Variants in ADAR observed in about 807,000 individuals in gnomAD.
ADAR encodes adenosine deaminase RNA specific.
In ADAR, 41 loss-of-function variants were observed where a neutral mutation model predicts 113.2. That is an observed-to-expected ratio of 0.36 (90% CI 0.28 to 0.47). The LOEUF is 0.47. ADAR is among the 20% of genes least tolerant of loss of function. ADAR has a pLI of 1.00. For synonymous variants in ADAR, 605 were observed against 572.6 expected (o/e 1.06, Z -0.81); for missense variants, 1,242 against 1,540.9 (o/e 0.81, Z 3.25).
intron 1 of ADAR, chr1:154,627,780 C>G: frequency 2.0e-6 from 1 of 504,122 alleles, no homozygotes; most frequent in Non-Finnish European, 3.9e-6. Context: ...ACATCAACGC[C>G]AGAGACTGGA....
At chr1:154,586,803 G>C (rs929780881) in intron 11 of ADAR, among the ~76,000 whole-genome samples, 2 of 152,190 alleles carry the variant, frequency 1.3e-5, no homozygotes, top group African/African-American at 4.8e-5. Context: ...CCCCAAGGCA[G>C]CCAGCGGATT....
At position 154,623,289 on chromosome 1, in the gene ADAR, C is replaced by T. The variant is rs531269108; in HGVS notation, c.-871+4566G>A. On this transcript the variant is annotated intron_variant, in intron 1 of 14. Coordinates refer to the ADAR transcript ENST00000368471. ...AGATGAAGCAATGGGGAAGGGCAAC[C>T]CAAACAGCAGATGCAAAGGTACAGA... is the stretch of plus-strand genomic sequence containing the variant. Among the ~76,000 whole-genome samples, 11 of 152,152 alleles carry T rather than the reference C, an allele frequency of 7.2e-5. No homozygotes were observed. The East Asian group carries it at 1.9e-3, about 27-fold the overall frequency.
chr1:154,584,655 G>A lies in ADAR; in HGVS notation c.*151C>T. 1 of 747,418 alleles carries A rather than the reference G, an allele frequency of 1.3e-6. No homozygotes were observed. 46.3% of individuals were successfully genotyped at this position (747,418 alleles called of 1,614,324 possible). On this transcript the variant is annotated 3_prime_UTR_variant, in exon 15 of 15. Coordinates refer to ENST00000368474, the MANE Select transcript of ADAR (RefSeq NM_001111.5). Reference sequence around the variant, plus strand: ...ATCCCAAAGAAAGCAGGATAAATGGGAACCCAAAGTTTTCAGTATCACCAA... The same window carrying A: ...ATCCCAAAGAAAGCAGGATAAATGGAAACCCAAAGTTTTCAGTATCACCAA...
At position 154,588,621 on chromosome 1, in the gene ADAR, T is replaced by C. The variant is rs774830798; in HGVS notation, c.2815A>G (p.Ile939Val). 6.2e-6 allele frequency: 10 copies of C among 1,614,128 alleles called. No individual in the cohort carries two copies. The highest frequency in any genetic ancestry group is 1.1e-5 in the South Asian group (1 of 91,090). ...KYNSQTAKDSIFEPAKGGEKL... is the reference protein window; with the variant it reads ...KYNSQTAKDSVFEPAKGGEKL... ...TCTCCTCCCTTAGCAGGTTCAAATA[T>C]ACTATCCTTCGCAGTCTGGGAGTTG... The change falls in exon 10 of 15, where the codon ATA (isoleucine) becomes GTA (valine). Residue 939 changes from isoleucine (I) to valine (V), a missense_variant. Transcript: ENST00000368474.
intron 1 of ADAR, among the ~76,000 whole-genome samples, chr1:154,623,421 G>A (rs1490215747): frequency 6.6e-6 from 1 of 152,176 alleles, no homozygotes; most frequent in Non-Finnish European, 1.5e-5. Context: ...GGACCCCAAA[G>A]AAGTGAGATA....
chr1:154,591,453 C>T (rs572132317), intron 6 of ADAR, among the ~76,000 whole-genome samples: 6 of 152,338 alleles, frequency 3.9e-5, no homozygotes, highest in African/African-American at 1.4e-4. Flanking sequence ...TTTTTGACTC[C>T]TGGCAGGCTT....
At position 154,602,090 on chromosome 1, in the gene ADAR, C is replaced by T. The variant is rs1309737861; in HGVS notation, c.552G>A (p.Lys184=). ...GGGGTGTTCCTGCCTCTTTCTGTAG[C>T]TTGCCCTTCTTTGCCAGGGAGTATA... ...RVLYSLAKKG[K]LQKEAGTPPL... The change falls in exon 2 of 15, where the codon AAG becomes AAA. Residue 184 remains lysine, a synonymous_variant. Transcript: ENST00000368474. 1 of 1,614,212 alleles carries T rather than the reference C, an allele frequency of 6.2e-7. No homozygotes were observed.
intron 7 of ADAR, 49 bp downstream of exon 7, chr1:154,590,135 A>AGGGGGG: frequency 5.8e-6 from 7 of 1,204,988 alleles, no homozygotes; most frequent in Non-Finnish European, 8.4e-6. Flanking sequence ...CTTAGGAGTT[A>AGGGGGG]GGAGGACCCC....
At position 154,608,158 on chromosome 1, in the gene ADAR, G is replaced by C. The variant is rs1157360166; in HGVS notation, c.-152C>G. The C allele has an allele frequency of 3.2e-6, 3 of 938,336 alleles. No individual in the cohort carries two copies. The highest frequency in any genetic ancestry group is 3.6e-5 in the African/African-American group (2 of 56,228). The allele number at this position is 938,336 out of a possible 1,614,324, so 58.1% of individuals were successfully genotyped here. On this transcript the variant is annotated 5_prime_UTR_variant, in exon 1 of 15. Transcript: ENST00000368474. Reference sequence around the variant, plus strand: ...TCGGCACGGGAAACTCCGCGGGTCTGCGCGCCGGGCCCAAGATGGCTCCGG... The same window carrying C: ...TCGGCACGGGAAACTCCGCGGGTCTCCGCGCCGGGCCCAAGATGGCTCCGG...
At chr1:154,621,870 G>C (rs188498307) in intron 1 of ADAR, among the ~76,000 whole-genome samples, 68 of 152,280 alleles carry the variant, frequency 4.5e-4, no homozygotes, top group Non-Finnish European at 1.0e-4. Flanking sequence ...AGTAAGAGCG[G>C]GGTTAAATAA....
Position 154,601,533 on chromosome 1 carries a change from T to C in ADAR, c.1109A>G (p.Asn370Ser), listed in dbSNP as rs1424269001. The part of the protein sequence containing the change: ...RERMQIKRNT[N>S]SVPETAPAAI... ...AGCTGGAGCGGTTTCAGGAACACTG[T>C]TCGTATTTCTCTTGATTTGCATCCT... Residue 370 changes from asparagine (N) to serine (S), a missense_variant, in exon 2 of 15, where the codon AAC becomes AGC. By Grantham distance (46) the Asn-to-Ser change is conservative. This residue lies in a region of ADAR where 462 missense variants were observed against 483.1 expected (regional missense o/e 0.96). Transcript: ENST00000368474. This position sits in a 1 kb window ranked among gnomAD's most constrained non-coding sequence, Gnocchi z 4.7. 2 of 1,613,430 alleles carry C rather than the reference T, an allele frequency of 1.2e-6. No homozygotes were observed. Among genetic ancestry groups the C allele is most frequent in the South Asian group, 1.1e-5 (1 of 91,080 alleles).
rs921971098 is a variant in ADAR, at chr1:154,588,476, C to T, written c.2885+75G>A. On this transcript the variant is annotated intron_variant, in intron 10 of 14. Coordinates refer to ENST00000368474, the MANE Select transcript of ADAR (RefSeq NM_001111.5). ...TATTGTATCAGGTTCGATTTACAGG[C>T]CAGGAGAGCATTTGGATACCCAATT... 5 of 1,596,730 alleles carry T rather than the reference C, an allele frequency of 3.1e-6. No individual in the cohort carries two copies. The African/African-American group carries it at 6.7e-5, about 21-fold the overall frequency.
chr1:154,602,763 C>A, intron 1 of ADAR, 137 bp from the exon 2 acceptor site: 1 of 1,094,384 alleles, frequency 9.1e-7, no homozygotes, highest in Non-Finnish European at 1.3e-6. Context: ...TATGACTTGG[C>A]TAGGGTGACT....
At chr1:154,604,478 AG>A (rs1441858927) in intron 1 of ADAR, among the ~76,000 whole-genome samples, 2 of 152,356 alleles carry the variant, frequency 1.3e-5, no homozygotes, top group Non-Finnish European at 2.9e-5. Flanking sequence ...GTACTGGAGA[AG>A]GACCTTGACT....
At position 154,596,928 on chromosome 1, in the gene ADAR, A is replaced by G; in HGVS notation, c.2147T>C (p.Ile716Thr). 1 of 1,614,186 alleles carries G rather than the reference A, an allele frequency of 6.2e-7. No individual in the cohort carries two copies. The highest frequency in any genetic ancestry group is 8.5e-7 in the Non-Finnish European group (1 of 1,180,034). The change falls in exon 6 of 15, where the codon ATT (isoleucine) becomes ACT (threonine). Residue 716 changes from isoleucine to threonine, a missense_variant. Ile to Thr is a moderately conservative substitution (Grantham distance 89). This residue lies in a region of ADAR where 780 missense variants were observed against 1,057.9 expected (regional missense o/e 0.74). Coordinates refer to ENST00000368474, the MANE Select transcript of ADAR (RefSeq NM_001111.5). ...ESMMPNKVRK[I>T]GELVRYLNTN... ...GTTCAGGTATCTCACGAGCTCGCCAATCTTCCTGACCTTGTTGGGCATCAT... is the reference window on the plus strand; with the variant it reads ...GTTCAGGTATCTCACGAGCTCGCCAGTCTTCCTGACCTTGTTGGGCATCAT...
chr1:154,588,318 T>G, intron 10 of ADAR, 60 bp from the exon 11 acceptor site: 1 of 1,612,010 alleles, frequency 6.2e-7, no homozygotes, highest in Non-Finnish European at 8.5e-7. Context: ...TTCGTGGGGC[T>G]CCAAAACAGT....
At chr1:154,593,949 T>A (rs1050906124) in intron 6 of ADAR, among the ~76,000 whole-genome samples, 5 of 151,958 alleles carry the variant, frequency 3.3e-5, no homozygotes, top group African/African-American at 1.2e-4. Flanking sequence ...AGTGGCACAA[T>A]CTCAGGTCAC....
chr1:154,582,678 G>A lies in ADAR; in HGVS notation c.*2128C>T, dbSNP rs1696483623. ...AGAAGAGGCAGCTGGCCAGAGCTCT[G>A]CTGGAGAACCTAATGCCCAAGATGG... is the stretch of plus-strand genomic sequence containing the variant. On this transcript the variant is annotated 3_prime_UTR_variant, in exon 15 of 15. Coordinates refer to ENST00000368474, the MANE Select transcript of ADAR (RefSeq NM_001111.5). 1 of 152,556 alleles carries A rather than the reference G, an allele frequency of 6.6e-6. No individual in the cohort carries two copies. Among genetic ancestry groups the A allele is most frequent in the African/African-American group, 2.4e-5 (1 of 41,464 alleles). The allele number at this position is 152,556 out of a possible 1,614,324, so 9.5% of individuals were successfully genotyped here.
intron 9 of ADAR, 23 bp from the exon 10 acceptor site, chr1:154,588,696 G>A (rs1371397979): frequency 1.2e-6 from 2 of 1,613,976 alleles, no homozygotes; most frequent in Non-Finnish European, 1.7e-6. Flanking sequence ...AGTCTGGTTA[G>A]GAAGGCAGGT....
Sources: allele counts gnomAD v4.1 joint callset (sites outside exome capture counted in the v4.1 genomes callset), GRCh38; gene constraint gnomAD v4.1.1; regional missense constraint gnomAD v4.1.1; non-coding constraint Gnocchi (gnomAD v3.1); transcripts MANE v1.5; gene names NCBI Gene and HGNC (gene_info 2026-07-23, HGNC 2026-07-21).